TAFA2: variants seen among roughly 807,000 people sequenced by gnomAD.
The protein encoded by TAFA2 is TAFA chemokine like family member 2.
A neutral mutation model predicts 18.8 loss-of-function variants in TAFA2; 7 were observed. The observed-to-expected ratio is 0.37, with a 90% CI of 0.21 to 0.70. TAFA2 has a LOEUF of 0.70. Among genes scored for constraint, TAFA2 ranks in the 30% least tolerant of loss-of-function variants. The pLI, the probability that TAFA2 is intolerant of heterozygous loss-of-function variation, is 0.53. For missense variants in TAFA2, 122 were observed against 158.1 expected (o/e 0.77, Z 1.23); for synonymous variants, 60 against 54.2 (o/e 1.11, Z -0.47).
At chr12:61,710,930 TATATTTGAAA>T (rs1869373691) in intron 4 of TAFA2, among the ~76,000 whole-genome samples, 1 of 151,914 alleles carries the variant, frequency 6.6e-6, no homozygotes, top group South Asian at 2.1e-4. Context: ...TTTGAAAAAT[TATATTTGAAA>T]AATTATATTT....
At chr12:61,941,604 C>A (rs1468270347) in intron 1 of TAFA2, among the ~76,000 whole-genome samples, 1 of 152,164 alleles carries the variant, frequency 6.6e-6, no homozygotes, top group African/African-American at 2.4e-5. Flanking sequence ...GTGCACCGTG[C>A]GTGAGCCGAA....
At chr12:61,963,075 A>ATAG (rs754867541) in intron 1 of TAFA2, among the ~76,000 whole-genome samples, 6 of 151,996 alleles carry the variant, frequency 3.9e-5, no homozygotes, top group Non-Finnish European at 7.4e-5. Flanking sequence ...TTATGGCTGC[A>ATAG]TAGTATTCCA....
intron 2 of TAFA2, among the ~76,000 whole-genome samples, chr12:61,792,786 A>G (rs1219486256): frequency 1.3e-5 from 2 of 151,586 alleles, no homozygotes; most frequent in Non-Finnish European, 3.0e-5. Context: ...GAGAAAAAAA[A>G]TAACTAGAAG....
chr12:62,061,754 T>A (rs974617772), intron 1 of TAFA2, among the ~76,000 whole-genome samples: 1 of 152,194 alleles, frequency 6.6e-6, no homozygotes, highest in Admixed American at 6.5e-5. Context: ...TAAGAAAACA[T>A]CATTTATTCA....
At chr12:62,196,119 C>CCT (rs2062648176), upstream of TAFA2, among the ~76,000 whole-genome samples, 2 of 152,296 alleles carry the variant, frequency 1.3e-5, no homozygotes, top group African/African-American at 4.8e-5. Context: ...CATGAACCAA[C>CCT]CTCTGCTAGT....
chr12:62,004,919 G>C (rs1028961284), intron 1 of TAFA2, among the ~76,000 whole-genome samples: 45 of 152,124 alleles, frequency 3.0e-4, no homozygotes, highest in African/African-American at 7.9e-4. Context: ...CATTAAATAA[G>C]CCAGAAACAC....
rs191169699 is a variant in TAFA2, at chr12:61,737,160, G to T, written c.384+16462C>A. On this transcript the variant is annotated intron_variant, in intron 4 of 4. Coordinates refer to ENST00000416284, the MANE Select transcript of TAFA2 (RefSeq NM_178539.5). ...CAAATAGGCATCTAAAAAAATCTAG[G>T]TCTATTTTAAAACACTGCAATATTG... 2.0e-3 allele frequency among the ~76,000 whole-genome samples: 304 copies of T among 151,844 alleles called. 1 individual carries two copies. Among genetic ancestry groups the T allele is most frequent in the Non-Finnish European group, 2.7e-3 (183 of 67,852 alleles).
chr12:62,230,666 TTTTC>T (rs1439774067), intron 1 of TAFA2, among the ~76,000 whole-genome samples: 4 of 152,054 alleles, frequency 2.6e-5, no homozygotes, highest in Non-Finnish European at 2.9e-5. Flanking sequence ...GGGTTTTGGT[TTTTC>T]TTTGTTTGTT....
intron 4 of TAFA2, among the ~76,000 whole-genome samples, chr12:61,713,825 C>T (rs1363343789): frequency 6.6e-6 from 1 of 152,056 alleles, no homozygotes; most frequent in Non-Finnish European, 1.5e-5. Flanking sequence ...TTTTAAATGT[C>T]ATTTTACCTT....
At chr12:62,047,187 C>G (rs1881932053) in intron 1 of TAFA2, among the ~76,000 whole-genome samples, 1 of 151,954 alleles carries the variant, frequency 6.6e-6, no homozygotes, top group Non-Finnish European at 1.5e-5. Context: ...TATTCAGCAC[C>G]TAACTGGTAG....
At chr12:61,909,030 G>A (rs533861377) in intron 1 of TAFA2, among the ~76,000 whole-genome samples, 16 of 152,044 alleles carry the variant, frequency 1.1e-4, no homozygotes, top group East Asian at 5.8e-4. Flanking sequence ...CTTCACTGTC[G>A]GACAGTTACA....
At chr12:61,796,220 T>C (rs1281138593) in intron 2 of TAFA2, among the ~76,000 whole-genome samples, 1 of 152,146 alleles carries the variant, frequency 6.6e-6, no homozygotes, top group Non-Finnish European at 1.5e-5. Context: ...GCTAGAGAGA[T>C]GATAGATAGA....
At chr12:62,259,642 CAA>C (rs2062975574), upstream of TAFA2, 1 of 152,212 alleles carries the variant, frequency 6.6e-6, no homozygotes, top group Admixed American at 6.5e-5. Context: ...CCTGTATAAA[CAA>C]GAGGGTTTCT....
intron 1 of TAFA2, chr12:62,255,371 G>C (rs1008484742): frequency 1.5e-4 from 23 of 152,096 alleles, no homozygotes; most frequent in African/African-American, 5.6e-4. Context: ...TTCCTACTAT[G>C]AACCTTGATT....
intron 1 of TAFA2, among the ~76,000 whole-genome samples, chr12:62,190,309 G>T (rs1179348553): frequency 6.6e-6 from 1 of 152,104 alleles, no homozygotes; most frequent in Non-Finnish European, 1.5e-5. Flanking sequence ...TAGGGCGACG[G>T]ATCTCAAACT....
chr12:62,146,228 C>G (rs1220417456), intron 1 of TAFA2, among the ~76,000 whole-genome samples: 1 of 151,802 alleles, frequency 6.6e-6, no homozygotes, highest in Non-Finnish European at 1.5e-5. Flanking sequence ...CATCCATATG[C>G]CATACCACTG....
At chr12:62,257,176 G>GTATATATACACAA (rs1192271671) in intron 1 of TAFA2, among the ~76,000 whole-genome samples, 62 of 131,646 alleles carry the variant, frequency 4.7e-4, no homozygotes, top group Middle Eastern at 4.0e-3. Context: ...GTGTGTGTGT[G>GTATATATACACAA]TGTGTGTGTG....
chr12:62,091,622 T>A (rs1394317224), intron 1 of TAFA2, among the ~76,000 whole-genome samples: 2 of 151,906 alleles, frequency 1.3e-5, no homozygotes, highest in Non-Finnish European at 2.9e-5. Flanking sequence ...GAGCCAGTGA[T>A]TCCAATCTCA....
At chr12:61,753,245 T>C (rs1869102752) in intron 4 of TAFA2, among the ~76,000 whole-genome samples, 3 of 152,062 alleles carry the variant, frequency 2.0e-5, no homozygotes, top group Admixed American at 6.6e-5. Flanking sequence ...AAAAGTAATA[T>C]ATAAAATAAT....
Sources: allele counts gnomAD v4.1 joint callset (sites outside exome capture counted in the v4.1 genomes callset), GRCh38; gene constraint gnomAD v4.1.1; transcripts MANE v1.5; gene names NCBI Gene and HGNC (gene_info 2026-07-23, HGNC 2026-07-21).